DDX39A: variants seen among roughly 807,000 people sequenced by gnomAD.
DDX39A encodes the protein ATP-dependent RNA helicase DDX39A.
DDX39A carries 13 observed loss-of-function variants against 46.3 expected under a neutral mutation model. The ratio of observed to expected loss-of-function variants is 0.28; its 90% CI spans 0.18 to 0.45. DDX39A has a LOEUF of 0.45. Ranked by LOEUF, DDX39A falls within the 20% of genes least tolerant of loss-of-function variation. The probability of loss-of-function intolerance (pLI) is 1.00; values close to 1 mark genes in which losing one functional copy is unlikely to be tolerated. For synonymous variants in DDX39A, 234 were observed against 224.6 expected (o/e 1.04, Z -0.38); for missense variants, 352 against 581.8 (o/e 0.61, Z 4.06).
Position 14,409,677 on chromosome 19 carries a change from A to G in DDX39A, c.865-32T>C. The G allele has an allele frequency of 6.2e-7, 1 of 1,609,634 alleles. No individual in the cohort carries two copies. Among genetic ancestry groups the G allele is most frequent in the East Asian group, 2.2e-5 (1 of 44,784 alleles). ...GAAGGAGTGGCAGTCAGGGCCACAC[A>G]GTCCCTGTGGCCCAGTGACCTCCCG... On this transcript the variant is annotated intron_variant, in intron 7 of 10. Transcript: ENST00000242776. The surrounding 1 kb of genome is among the most constrained non-coding windows in gnomAD (Gnocchi z 8.3).
chr19:14,416,945 A>T (rs1046225168), intron 1 of DDX39A, among the ~76,000 whole-genome samples: 26 of 152,222 alleles, frequency 1.7e-4, no homozygotes, highest in African/African-American at 6.3e-4. Flanking sequence ...TGCCTCCCAA[A>T]GTGCTGGGAT....
In DDX39A at chr19:14,409,024, C is replaced by G. The variant is rs984520529; in HGVS notation, c.1267+13G>C. 3.7e-6 allele frequency: 6 copies of G among 1,614,010 alleles called. No individual in the cohort carries two copies. In the African/African-American group the frequency reaches 8.0e-5, roughly 22 times the overall value. On this transcript the variant is annotated intron_variant, in intron 10 of 10. Coordinates refer to ENST00000242776, the MANE Select transcript of DDX39A (RefSeq NM_005804.4). This position sits in a 1 kb window ranked among gnomAD's most constrained non-coding sequence, Gnocchi z 8.3. ...CTCTGCCCCAGACCCCTGGCCCTGC[C>G]CAAGGCACTTACTGTATGTGGAGAT... is the stretch of plus-strand genomic sequence containing the variant.
rs1360012170 is a variant in DDX39A, at chr19:14,410,077, G to A, written c.732+139C>T. ...CCAAGCTTGACTCCCAGTTTGACAA[G>A]ACCGAGGGGAGGAAAGGAGGCTCCG... On this transcript the variant is annotated intron_variant, in intron 6 of 10. Coordinates refer to ENST00000242776, the MANE Select transcript of DDX39A (RefSeq NM_005804.4). The surrounding 1 kb of genome is among the most constrained non-coding windows in gnomAD (Gnocchi z 4.3). The A allele has an allele frequency of 9.7e-7, 1 of 1,029,292 alleles. No homozygotes were observed. Among genetic ancestry groups the A allele is most frequent in the Non-Finnish European group, 1.5e-6 (1 of 666,390 alleles). The allele number at this position is 1,029,292 out of a possible 1,614,324, so 63.8% of individuals were successfully genotyped here. A position where few individuals can be genotyped will look rare whatever the true frequency, so the allele number is the denominator to read the frequency against.
intron 10 of DDX39A, 41 bp from the exon 11 acceptor site, chr19:14,408,993 G>A: frequency 1.2e-6 from 2 of 1,612,754 alleles, no homozygotes; most frequent in South Asian, 2.2e-5. Flanking sequence ...GGCCGGGGGA[G>A]GAACCCTCTG....
rs896563152 is a variant in DDX39A at position 14,410,051 on chromosome 19, A to C, written c.732+165T>G. On this transcript the variant is annotated intron_variant, in intron 6 of 10. Coordinates refer to ENST00000242776, the MANE Select transcript of DDX39A (RefSeq NM_005804.4). The surrounding 1 kb of genome is among the most constrained non-coding windows in gnomAD (Gnocchi z 4.3). ...AAGCTCTGGCCCGACTCAGGTGTGG[A>C]CCAAGCTTGACTCCCAGTTTGACAA... is the stretch of plus-strand genomic sequence containing the variant. 16 of 1,034,404 alleles carry C rather than the reference A, an allele frequency of 1.5e-5. No homozygotes were observed. Among genetic ancestry groups the C allele is most frequent in the Non-Finnish European group, 2.1e-5 (14 of 672,358 alleles). 64.1% of individuals were successfully genotyped at this position (1,034,404 alleles called of 1,614,324 possible).
At position 14,411,386 on chromosome 19, in the gene DDX39A, G is replaced by T; in HGVS notation, c.429+120C>A. 9.0e-7 allele frequency: 1 copy of T among 1,115,750 alleles called. No individual in the cohort carries two copies. The highest frequency in any genetic ancestry group is 1.3e-6 in the Non-Finnish European group (1 of 756,890). The allele number at this position is 1,115,750 out of a possible 1,614,324, so 69.1% of individuals were successfully genotyped here. On this transcript the variant is annotated intron_variant, in intron 4 of 10. Transcript: ENST00000242776. The surrounding 1 kb of genome is among the most constrained non-coding windows in gnomAD (Gnocchi z 4.1). ...AGGCTTTTAAGGAGCAAAAACCACC[G>T]CAAACCTCAAAGGCAGCTGCCCCTG... is the stretch of plus-strand genomic sequence containing the variant.
Position 14,412,524 on chromosome 19 carries a change from G to T in DDX39A, c.336+27C>A. ...TACTTCCGCCGCCACAGGCAGGGTG[G>T]GGCCAGGAAGGGAGGAGCCCACCCA... is the stretch of plus-strand genomic sequence containing the variant. On this transcript the variant is annotated intron_variant, in intron 3 of 10. Coordinates refer to ENST00000242776, the MANE Select transcript of DDX39A (RefSeq NM_005804.4). This position sits in a 1 kb window ranked among gnomAD's most constrained non-coding sequence, Gnocchi z 4.4. 1 of 1,598,202 alleles carries T rather than the reference G, an allele frequency of 6.3e-7. No homozygotes were observed.
rs967744237 is a variant in DDX39A at position 14,411,227 on chromosome 19, C to T, written c.430-55G>A. On this transcript the variant is annotated intron_variant, in intron 4 of 10. Transcript: ENST00000242776. This position sits in a 1 kb window ranked among gnomAD's most constrained non-coding sequence, Gnocchi z 4.1. ...GCTGATACACGGCCCAAGGCCCCAA[C>T]CTGCACGGCCCAGCACCTGCGAACA... 4.6e-6 allele frequency: 7 copies of T among 1,520,672 alleles called. No homozygotes were observed. In the South Asian group the frequency reaches 5.1e-5, roughly 11 times the overall value. The allele number at this position is 1,520,672 out of a possible 1,614,324, so 94.2% of individuals were successfully genotyped here. A position where few individuals can be genotyped will look rare whatever the true frequency, so the allele number is the denominator to read the frequency against.
chr19:14,414,261 A>C (rs1161454479), intron 1 of DDX39A, among the ~76,000 whole-genome samples: 1 of 151,532 alleles, frequency 6.6e-6, no homozygotes, highest in South Asian at 2.1e-4. Context: ...AGTGAATCCC[A>C]CCAAGGCCCT....
intron 1 of DDX39A, chr19:14,418,839 G>A (rs1295834174): frequency 8.9e-6 from 4 of 447,188 alleles, no homozygotes; most frequent in Non-Finnish European, 1.8e-5. Context: ...AGGTAGACTG[G>A]GAAAGGGATC....
chr19:14,418,962 C>T (rs569800531), intron 1 of DDX39A: 2 of 456,288 alleles, frequency 4.4e-6, no homozygotes, highest in African/African-American at 4.0e-5. Flanking sequence ...CCCAGGCCGC[C>T]GCGGGGTCTA....
At chr19:14,418,626 T>A (rs1309172339) in intron 1 of DDX39A, among the ~76,000 whole-genome samples, 1 of 139,238 alleles carries the variant, frequency 7.2e-6, no homozygotes, top group Non-Finnish European at 1.5e-5. Context: ...CTCGGCTGAT[T>A]TTTTTTTGTA....
chr19:14,414,133 G>A (rs1976704600), intron 1 of DDX39A: 2 of 151,962 alleles, frequency 1.3e-5, no homozygotes, highest in Non-Finnish European at 1.5e-5. Flanking sequence ...TCCTGAGGCT[G>A]GATGCTGAGG....
In DDX39A at chr19:14,411,926, C is replaced by T. The variant is rs1353101431; in HGVS notation, c.337-328G>A. Among the ~76,000 whole-genome samples the T allele has an allele frequency of 6.6e-6, 1 of 152,174 alleles. No individual in the cohort carries two copies. Among genetic ancestry groups the T allele is most frequent in the African/African-American group, 2.4e-5 (1 of 41,426 alleles). On this transcript the variant is annotated intron_variant, in intron 3 of 10. Transcript: ENST00000242776. The surrounding 1 kb of genome is among the most constrained non-coding windows in gnomAD (Gnocchi z 4.1). ...GGCTCTCTAAGGATTTCCTGAATCTCGGCACTCGGGCGGCCCCGGTCTTCC... is the reference window on the plus strand; with the variant it reads ...GGCTCTCTAAGGATTTCCTGAATCTTGGCACTCGGGCGGCCCCGGTCTTCC...
At position 14,410,784 on chromosome 19, in the gene DDX39A, C is replaced by T. The variant is rs1348332056; in HGVS notation, c.613+205G>A. The T allele has an allele frequency of 5.4e-6, 3 of 553,538 alleles. No homozygotes were observed. Among genetic ancestry groups the T allele is most frequent in the Non-Finnish European group, 9.5e-6 (3 of 314,374 alleles). 34.3% of individuals were successfully genotyped at this position (553,538 alleles called of 1,614,324 possible). ...TGCATGCCTTTACGTCCAGGAGGGA[C>T]GGGGGCTTGCTTGGGCCCCGTGGTC... On this transcript the variant is annotated intron_variant, in intron 5 of 10. Coordinates refer to ENST00000242776, the MANE Select transcript of DDX39A (RefSeq NM_005804.4). This position sits in a 1 kb window ranked among gnomAD's most constrained non-coding sequence, Gnocchi z 4.3.
In DDX39A at chr19:14,411,272, G is replaced by A; in HGVS notation, c.430-100C>T. On this transcript the variant is annotated intron_variant, in intron 4 of 10. Transcript: ENST00000242776. This position sits in a 1 kb window ranked among gnomAD's most constrained non-coding sequence, Gnocchi z 4.1. ...CGAACAGGAGGCCTCAGGGGACCAAGGCAGGCCTGAGAGCCTCCCGGGGCT... is the reference window on the plus strand; with the variant it reads ...CGAACAGGAGGCCTCAGGGGACCAAAGCAGGCCTGAGAGCCTCCCGGGGCT... 7.1e-7 allele frequency: 1 copy of A among 1,400,544 alleles called. No individual in the cohort carries two copies. Among genetic ancestry groups the A allele is most frequent in the Non-Finnish European group, 9.6e-7 (1 of 1,038,614 alleles). The allele number at this position is 1,400,544 out of a possible 1,614,324, so 86.8% of individuals were successfully genotyped here.
chr19:14,417,166 G>T (rs1422131708), intron 1 of DDX39A, among the ~76,000 whole-genome samples: 1 of 152,132 alleles, frequency 6.6e-6, no homozygotes, highest in Non-Finnish European at 1.5e-5. Context: ...GGGGCGTGAG[G>T]TAAGGAAAGA....
rs1441389250 is a variant in DDX39A at position 14,411,892 on chromosome 19, A to G, written c.337-294T>C. On this transcript the variant is annotated intron_variant, in intron 3 of 10. Coordinates refer to ENST00000242776, the MANE Select transcript of DDX39A (RefSeq NM_005804.4). This position sits in a 1 kb window ranked among gnomAD's most constrained non-coding sequence, Gnocchi z 4.1. ...GTTAGACCTGGCCTGCCTGGGTGAC[A>G]TGGGACCTGGCTCTCTAAGGATTTC... Among the ~76,000 whole-genome samples the G allele has an allele frequency of 1.3e-5, 2 of 152,200 alleles. No homozygotes were observed. The highest frequency in any genetic ancestry group is 4.8e-5 in the African/African-American group (2 of 41,446).
chr19:14,415,032 A>T (rs1976752375), intron 1 of DDX39A, among the ~76,000 whole-genome samples: 1 of 151,838 alleles, frequency 6.6e-6, no homozygotes, highest in Non-Finnish European at 1.5e-5. Flanking sequence ...TTTTTAGTGT[A>T]GTCACAGACA....
Sources: allele counts gnomAD v4.1 joint callset (sites outside exome capture counted in the v4.1 genomes callset), GRCh38; gene constraint gnomAD v4.1.1; non-coding constraint Gnocchi (gnomAD v3.1); transcripts MANE v1.5; gene names NCBI Gene and HGNC (gene_info 2026-07-23, HGNC 2026-07-21).